Variants in C2CD5 observed in about 807,000 individuals in gnomAD.
C2CD5 encodes C2 calcium dependent domain containing 5, also known as C2 domain-containing protein 5.
In C2CD5, 109 loss-of-function variants were observed where a neutral mutation model predicts 130.3. That is an observed-to-expected ratio of 0.84 (90% CI 0.72 to 0.98). The LOEUF (loss-of-function observed/expected upper bound fraction) is 0.98, where lower values mean the gene tolerates loss of function less well. Ranked by LOEUF, C2CD5 falls within the 50% of genes least tolerant of loss-of-function variation. The pLI, the probability that C2CD5 is intolerant of heterozygous loss-of-function variation, is 0.00. For missense variants in C2CD5, 996 were observed against 1,261.8 expected, an observed-to-expected ratio of 0.79 and a Z score of 3.19; for synonymous variants, 454 against 429.2, an observed-to-expected ratio of 1.06 and a Z score of -0.71.
chr12:22,486,062 AATACACATCTTAT>A (rs1304057055), intron 12 of C2CD5, among the ~76,000 whole-genome samples: 1 of 152,062 alleles, frequency 6.6e-6, no homozygotes, highest in Non-Finnish European at 1.5e-5. Context: ...TGGTTTTCCT[AATACACATCTTAT>A]ATTCAAATTT....
rs771149279 is a variant in C2CD5, at chr12:22,544,173, T to C, written c.-23A>G. ...CATGGTCTCGGTTTCGGCCTCTTCT[T>C]GGGCTCCTGCAGAAACAAACAAACG... On this transcript the variant is annotated 5_prime_UTR_variant, in exon 2 of 27. Transcript: ENST00000446597. 3.7e-6 allele frequency: 6 copies of C among 1,611,098 alleles called. No homozygotes were observed. The Admixed American group carries it at 5.0e-5, about 13-fold the overall frequency.
At chr12:22,492,757 ATTTG>A in intron 11 of C2CD5, among the ~76,000 whole-genome samples, 1 of 152,182 alleles carries the variant, frequency 6.6e-6, no homozygotes, top group South Asian at 2.1e-4. Context: ...AGGAAGAATG[ATTTG>A]TTAGCAAGAA....
Position 22,482,731 on chromosome 12 carries a change from T to A in C2CD5, c.1563A>T (p.Leu521Phe). The part of the protein sequence containing the change: ...GCLIQARLCR[L>F]KKKAQAEANA... Reference sequence around the variant, plus strand: ...TTGCTTCTGCCTGTGCTTTCTTTTTTAAGCGACATAACCTGTAAAGGAAAA... The same window carrying A: ...TTGCTTCTGCCTGTGCTTTCTTTTTAAAGCGACATAACCTGTAAAGGAAAA... Residue 521 changes from leucine (L) to phenylalanine (F), a missense_variant, in exon 14 of 27, where the codon TTA becomes TTT. Transcript: ENST00000446597. The A allele has an allele frequency of 6.2e-7, 1 of 1,612,978 alleles. No homozygotes were observed. The highest frequency in any genetic ancestry group is 8.5e-7 in the Non-Finnish European group (1 of 1,179,118).
At chr12:22,454,654 T>C (rs2135968613) in intron 25 of C2CD5, among the ~76,000 whole-genome samples, 1 of 152,060 alleles carries the variant, frequency 6.6e-6, no homozygotes, top group East Asian at 1.9e-4. Flanking sequence ...CTTCTCTGAC[T>C]GTGAACTCTA....
In C2CD5 at chr12:22,469,882, A is replaced by T. The variant is rs1591977782; in HGVS notation, c.2447-87T>A. ...AGAATCTGTGACAACATACATATAC[A>T]TATTCTCAGCTCCATCTCCCCACCC... On this transcript the variant is annotated intron_variant, in intron 21 of 26. Transcript: ENST00000446597. 5 of 706,954 alleles carry T rather than the reference A, an allele frequency of 7.1e-6. No homozygotes were observed. The East Asian group carries it at 1.6e-4, about 23-fold the overall frequency. The allele number at this position is 706,954 out of a possible 1,614,324, so 43.8% of individuals were successfully genotyped here. A position where few individuals can be genotyped will look rare whatever the true frequency, so the allele number is the denominator to read the frequency against.
At chr12:22,473,957 C>A (rs914512595) in intron 16 of C2CD5, among the ~76,000 whole-genome samples, 6 of 152,088 alleles carry the variant, frequency 3.9e-5, no homozygotes, top group African/African-American at 1.4e-4. Context: ...GAGTTTTCTA[C>A]AAACTGACAC....
intron 23 of C2CD5, 66 bp from the exon 24 acceptor site, chr12:22,458,651 C>T (rs906918181): frequency 9.2e-6 from 5 of 545,606 alleles, no homozygotes; most frequent in South Asian, 8.8e-5. Flanking sequence ...GTCTCTTACT[C>T]GTCTTAACAC....
intron 14 of C2CD5, among the ~76,000 whole-genome samples, chr12:22,481,799 T>C (rs1048428029): frequency 6.8e-5 from 7 of 102,408 alleles, no homozygotes; most frequent in Non-Finnish European, 9.7e-5. Flanking sequence ...ACCTGGTGTA[T>C]TTTTTTTTTT....
intron 9 of C2CD5, among the ~76,000 whole-genome samples, chr12:22,510,422 C>T (rs939629526): frequency 6.6e-6 from 1 of 152,178 alleles, no homozygotes; most frequent in East Asian, 1.9e-4. Context: ...AGTGTGTGCT[C>T]AAAGACAGGT....
chr12:22,496,691 T>G (rs1425821292), intron 10 of C2CD5, among the ~76,000 whole-genome samples: 1 of 149,536 alleles, frequency 6.7e-6, no homozygotes, highest in Non-Finnish European at 1.5e-5. Context: ...ATTATATATT[T>G]TATATATAAG....
chr12:22,516,099 A>G (rs539653521), intron 8 of C2CD5, among the ~76,000 whole-genome samples: 7 of 151,864 alleles, frequency 4.6e-5, no homozygotes, highest in African/African-American at 1.7e-4. Flanking sequence ...ACTTTATTCT[A>G]CTTTTGGATT....
chr12:22,494,896 C>T lies in C2CD5; in HGVS notation c.1148-1559G>A, dbSNP rs139119735. Among the ~76,000 whole-genome samples, 1,200 of 152,084 alleles carry T rather than the reference C, an allele frequency of 7.9e-3. 13 individuals are homozygous for T. The highest frequency in any genetic ancestry group is 0.028 in the African/African-American group (1,147 of 41,526). ...AAATACACTTTCAAATCCATACTCTCTTTTTTCTAAGACATACACACTTAC... is the reference window on the plus strand; with the variant it reads ...AAATACACTTTCAAATCCATACTCTTTTTTTTCTAAGACATACACACTTAC... On this transcript the variant is annotated intron_variant, in intron 10 of 26. Transcript: ENST00000446597.
chr12:22,530,093 TATATATATATATATATATAC>T (rs1413043483), intron 3 of C2CD5, among the ~76,000 whole-genome samples: 3 of 110,084 alleles, frequency 2.7e-5, no homozygotes, highest in African/African-American at 8.2e-5. Flanking sequence ...TATATATATA[TATATATATATATATATATAC>T]ACACACACAC....
At chr12:22,531,543 G>A (rs149820331) in intron 3 of C2CD5, among the ~76,000 whole-genome samples, 263 of 152,118 alleles carry the variant, frequency 1.7e-3, no homozygotes, top group Middle Eastern at 6.8e-3. Flanking sequence ...ACAATTTACT[G>A]ACTTCCAGTT....
At chr12:22,539,124 C>T (rs1192197147) in intron 2 of C2CD5, among the ~76,000 whole-genome samples, 1 of 152,116 alleles carries the variant, frequency 6.6e-6, no homozygotes, top group Non-Finnish European at 1.5e-5. Context: ...CCTATTCATA[C>T]TCTTTCTACT....
Position 22,478,481 on chromosome 12 carries a change from G to GC in C2CD5, c.1738-5_1738-4insG, listed in dbSNP as rs776378895. 1.9e-6 allele frequency: 3 copies of GC among 1,609,810 alleles called. No individual in the cohort carries two copies. Among genetic ancestry groups the GC allele is most frequent in the Middle Eastern group, 1.7e-4 (1 of 6,056 alleles). On this transcript the variant is annotated splice_region_variant and splice_polypyrimidine_tract_variant and intron_variant, in intron 14 of 26. Transcript: ENST00000446597. ...CTAAATACACACCTGTGGCAGACTT[G>GC]TAAAAAATAATGGGGAAATAATCAG...
At chr12:22,502,806 T>C in intron 10 of C2CD5, 2 of 1,524,242 alleles carry the variant, frequency 1.3e-6, no homozygotes, top group Non-Finnish European at 1.8e-6. Context: ...CGACAAAGGC[T>C]GAGTTCAAAA....
intron 3 of C2CD5, among the ~76,000 whole-genome samples, chr12:22,529,349 T>C (rs1275612435): frequency 1.3e-5 from 2 of 152,166 alleles, no homozygotes; most frequent in African/African-American, 2.4e-5. Context: ...CTCTAAGACA[T>C]TCCCCCCAAT....
At chr12:22,494,011 A>G (rs1361449483) in intron 10 of C2CD5, among the ~76,000 whole-genome samples, 1 of 152,104 alleles carries the variant, frequency 6.6e-6, no homozygotes, top group African/African-American at 2.4e-5. Context: ...TGTAATTTTA[A>G]AAAATGATTT....
Sources: allele counts gnomAD v4.1 joint callset (sites outside exome capture counted in the v4.1 genomes callset), GRCh38; gene constraint gnomAD v4.1.1; transcripts MANE v1.5; gene names NCBI Gene and HGNC (gene_info 2026-07-23, HGNC 2026-07-21).